The following DYSF variants were observed in gnomAD, a reference collection of about 807,000 sequenced individuals.
DYSF encodes dysferlin, also known as dystrophy-associated fer-1-like 1.
A neutral mutation model predicts 274.9 loss-of-function variants in DYSF; 212 were observed. The ratio of observed to expected loss-of-function variants is 0.77; its 90% CI spans 0.69 to 0.86. The LOEUF is 0.86. Among genes scored for constraint, DYSF ranks in the 40% least tolerant of loss-of-function variants. The pLI, the probability that DYSF is intolerant of heterozygous loss-of-function variation, is 0.00. For synonymous variants in DYSF, 1,091 were observed against 1,078.7 expected (o/e 1.01, Z -0.22); for missense variants, 2,666 against 2,783.2 (o/e 0.96, Z 0.95).
chr2:71,561,280 G>A (rs1345179028), intron 22 of DYSF, among the ~76,000 whole-genome samples: 2 of 152,156 alleles, frequency 1.3e-5, no homozygotes, highest in African/African-American at 2.4e-5. Context: ...GCTCTTCAGG[G>A]GTTCCTAAAT....
chr2:71,476,092 G>A (rs2082372603), intron 1 of DYSF, among the ~76,000 whole-genome samples: 1 of 152,126 alleles, frequency 6.6e-6, no homozygotes, highest in South Asian at 2.1e-4. Flanking sequence ...TTAAAGTGTT[G>A]TACATGGAAC....
At chr2:71,625,779 A>G (rs1156484568) in intron 41 of DYSF, among the ~76,000 whole-genome samples, 2 of 152,090 alleles carry the variant, frequency 1.3e-5, no homozygotes, top group Non-Finnish European at 2.9e-5. Flanking sequence ...TTAACCATGA[A>G]CATAATATAT....
intron 30 of DYSF, among the ~76,000 whole-genome samples, chr2:71,582,743 A>G (rs1003033698): frequency 1.3e-5 from 2 of 152,142 alleles, no homozygotes; most frequent in African/African-American, 4.8e-5. Context: ...GCCATGACCA[A>G]TTTCAAGCTA....
intron 4 of DYSF, among the ~76,000 whole-genome samples, chr2:71,505,504 G>C (rs999673352): frequency 6.6e-6 from 1 of 152,240 alleles, no homozygotes; most frequent in African/African-American, 2.4e-5. Flanking sequence ...TGAGAGGCGT[G>C]GGGGAGGCCG....
intron 29 of DYSF, among the ~76,000 whole-genome samples, chr2:71,571,231 AC>A (rs2092416390): frequency 6.6e-6 from 1 of 150,586 alleles, no homozygotes; most frequent in South Asian, 2.1e-4. Flanking sequence ...CACACTCAGC[AC>A]ACACAGATCA....
chr2:71,510,259 A>G (rs11690862), intron 4 of DYSF, among the ~76,000 whole-genome samples: 14,642 of 152,238 alleles, frequency 0.096, 763 homozygotes, highest in African/African-American at 0.1. Context: ...TAAAAGTGCA[A>G]ATACCCAGGC....
intron 42 of DYSF, among the ~76,000 whole-genome samples, chr2:71,652,720 T>G (rs1192569276): frequency 6.6e-6 from 1 of 152,226 alleles, no homozygotes; most frequent in East Asian, 1.9e-4. Context: ...AAATTTCATC[T>G]GGAAGAACAT....
chr2:71,660,505 C>T lies in DYSF; in HGVS notation c.4912-55C>T, dbSNP rs2094859287. ...TCCAGAGGCAAGGCACTCATGAAGC[C>T]TCAAAGACAGGTTTGGAAAGTGTTT... is the stretch of plus-strand genomic sequence containing the variant. On this transcript the variant is annotated intron_variant, in intron 44 of 55. Transcript: ENST00000410020. 4 of 1,503,256 alleles carry T rather than the reference C, an allele frequency of 2.7e-6. 1 individual carries two copies. The highest frequency in any genetic ancestry group is 1.1e-5 in the South Asian group (1 of 88,700). 93.1% of individuals were successfully genotyped at this position (1,503,256 alleles called of 1,614,324 possible). A position where few individuals can be genotyped will look rare whatever the true frequency, so the allele number is the denominator to read the frequency against.
chr2:71,519,095 A>C (rs1163610793), intron 10 of DYSF, among the ~76,000 whole-genome samples: 2 of 88,014 alleles, frequency 2.3e-5, no homozygotes, highest in Non-Finnish European at 2.4e-5. Flanking sequence ...TCCATCTCAA[A>C]AAAAAAAAAA....
At chr2:71,500,092 G>A (rs560974323) in intron 3 of DYSF, among the ~76,000 whole-genome samples, 18 of 152,230 alleles carry the variant, frequency 1.2e-4, no homozygotes, top group African/African-American at 4.3e-4. Flanking sequence ...GATGGGGCGG[G>A]TCTCCTCAAG....
At chr2:71,603,210 A>G (rs2093585448) in intron 36 of DYSF, among the ~76,000 whole-genome samples, 1 of 152,208 alleles carries the variant, frequency 6.6e-6, no homozygotes. Flanking sequence ...GAAGAAAGTG[A>G]GAAACATGGC....
At chr2:71,668,367 A>C (rs1444238094) in intron 48 of DYSF, among the ~76,000 whole-genome samples, 1 of 152,156 alleles carries the variant, frequency 6.6e-6, no homozygotes, top group Non-Finnish European at 1.5e-5. Context: ...TCGCTTGCAG[A>C]GAGGGAGGAG....
At chr2:71,528,219 C>A in intron 13 of DYSF, 79 bp from the exon 14 acceptor site, 1 of 1,321,422 alleles carries the variant, frequency 7.6e-7, no homozygotes, top group Non-Finnish European at 1.1e-6. Context: ...CCAGGACTGC[C>A]TGGAGACAGA....
chr2:71,550,053 T>C (rs1207018845), intron 17 of DYSF, among the ~76,000 whole-genome samples: 1 of 152,246 alleles, frequency 6.6e-6, no homozygotes, highest in Admixed American at 6.5e-5. Flanking sequence ...ACCTTAGGTC[T>C]AGCTCAAACG....
Position 71,520,838 on chromosome 2 carries a change from C to T in DYSF, c.1083C>T (p.Phe361=). 1 of 1,614,160 alleles carries T rather than the reference C, an allele frequency of 6.2e-7. No individual in the cohort carries two copies. Among genetic ancestry groups the T allele is most frequent in the South Asian group, 1.1e-5 (1 of 91,082 alleles). ...KWLLLSDPDD[F]SAGARGYLKT... ...TGCTGCTCTCAGACCCTGATGACTTCTCTGCTGGGGCCAGAGGCTACCTGA... is the reference window on the plus strand; with the variant it reads ...TGCTGCTCTCAGACCCTGATGACTTTTCTGCTGGGGCCAGAGGCTACCTGA... The change falls in exon 12 of 56, where the codon TTC becomes TTT. Residue 361 remains phenylalanine, a synonymous_variant. Coordinates refer to ENST00000410020, the MANE Select transcript of DYSF (RefSeq NM_001130987.2).
rs373483422 is a variant in DYSF at position 71,487,085 on chromosome 2, G to C, written c.239+5115G>C. Among the ~76,000 whole-genome samples, 176 of 152,290 alleles carry C rather than the reference G, an allele frequency of 1.2e-3. 7 individuals carry two copies. The South Asian group carries it at 0.029, about 25-fold the overall frequency. The stretch of plus-strand genomic sequence containing the variant: ...AGCATCACCTACTCTCCAGGTGCTG[G>C]TGTTTTCATTGCGCAGCCTGGGCTG... On this transcript the variant is annotated intron_variant, in intron 3 of 55. Coordinates refer to ENST00000410020, the MANE Select transcript of DYSF (RefSeq NM_001130987.2).
At chr2:71,492,912 C>G (rs1364161009) in intron 3 of DYSF, among the ~76,000 whole-genome samples, 1 of 152,132 alleles carries the variant, frequency 6.6e-6, no homozygotes, top group African/African-American at 2.4e-5. Context: ...GACAGGGCCT[C>G]ACTCTGTTGT....
chr2:71,686,541 G>A lies in DYSF; in HGVS notation c.*49G>A. ...GGCCGTGGGGTCCCCTCCAGCATGG[G>A]ACTGGCCTGCCTCCTCCGCCCAGCT... On this transcript the variant is annotated 3_prime_UTR_variant, in exon 56 of 56. Transcript: ENST00000410020. 1.9e-6 allele frequency: 3 copies of A among 1,610,346 alleles called. No individual in the cohort carries two copies. The highest frequency in any genetic ancestry group is 2.7e-5 in the African/African-American group (2 of 74,990).
At chr2:71,633,099 G>A (rs760126530) in intron 41 of DYSF, among the ~76,000 whole-genome samples, 5 of 152,222 alleles carry the variant, frequency 3.3e-5, no homozygotes, top group Non-Finnish European at 7.3e-5. Flanking sequence ...GAGGTTGAAA[G>A]CCCAGTGTTC....
Sources: allele counts gnomAD v4.1 joint callset (sites outside exome capture counted in the v4.1 genomes callset), GRCh38; gene constraint gnomAD v4.1.1; transcripts MANE v1.5; gene names NCBI Gene and HGNC (gene_info 2026-07-23, HGNC 2026-07-21).